The following PSD3 variants were observed in gnomAD, a reference collection of about 807,000 sequenced individuals.
The protein encoded by PSD3 is PH and SEC7 domain-containing protein 3.
PSD3 carries 49 observed loss-of-function variants against 105.5 expected under a neutral mutation model. The ratio of observed to expected loss-of-function variants is 0.46; its 90% CI spans 0.37 to 0.59. The LOEUF (loss-of-function observed/expected upper bound fraction) is 0.59. Among genes scored for constraint, PSD3 ranks in the 20% least tolerant of loss-of-function variants. The pLI, the probability that PSD3 is intolerant of heterozygous loss-of-function variation, is 0.00. For missense variants in PSD3, 1,561 were observed against 1,263.8 expected, an observed-to-expected ratio of 1.24 and a Z score of -3.57; for synonymous variants, 557 against 457.8, an observed-to-expected ratio of 1.22 and a Z score of -2.77.
intron 11 of PSD3, among the ~76,000 whole-genome samples, chr8:18,607,292 T>C (rs1207850923): frequency 6.6e-6 from 1 of 152,298 alleles, no homozygotes; most frequent in Non-Finnish European, 1.5e-5. Context: ...AGAATAGTTA[T>C]CTAATATTAC....
chr8:18,775,287 T>C (rs779627130), intron 8 of PSD3, among the ~76,000 whole-genome samples: 1 of 152,226 alleles, frequency 6.6e-6, no homozygotes, highest in Non-Finnish European at 1.5e-5. Context: ...GTGAATTCCA[T>C]ATCTTGGCTA....
chr8:19,019,488 G>A (rs969776592), intron 1 of PSD3, among the ~76,000 whole-genome samples: 2 of 152,096 alleles, frequency 1.3e-5, no homozygotes, highest in African/African-American at 2.4e-5. Context: ...GCCTACAACT[G>A]CTTAAGTGCA....
At chr8:18,725,388 T>C (rs952476002) in intron 9 of PSD3, among the ~76,000 whole-genome samples, 1 of 152,182 alleles carries the variant, frequency 6.6e-6, no homozygotes, top group Non-Finnish European at 1.5e-5. Flanking sequence ...ATTTCCTTGG[T>C]TGGGGTCAGA....
intron 4 of PSD3, among the ~76,000 whole-genome samples, chr8:18,845,955 A>G (rs1373962567): frequency 6.6e-6 from 1 of 152,210 alleles, no homozygotes; most frequent in Non-Finnish European, 1.5e-5. Context: ...ATCTCCACTC[A>G]ATACTGTTCG....
intron 9 of PSD3, among the ~76,000 whole-genome samples, chr8:18,692,417 G>T (rs1801021435): frequency 6.6e-6 from 1 of 152,188 alleles, no homozygotes; most frequent in Middle Eastern, 3.2e-3. Flanking sequence ...GTCTGGGAAT[G>T]CTTCCCTGAG....
chr8:18,941,269 C>A (rs989854391), intron 1 of PSD3, among the ~76,000 whole-genome samples: 1 of 152,162 alleles, frequency 6.6e-6, no homozygotes, highest in Non-Finnish European at 1.5e-5. Context: ...AATCTCGGCT[C>A]GATAGTACCA....
At chr8:18,720,125 T>C (rs1224586491) in intron 9 of PSD3, among the ~76,000 whole-genome samples, 1 of 152,112 alleles carries the variant, frequency 6.6e-6, no homozygotes, top group East Asian at 1.9e-4. Flanking sequence ...GAAACTCATA[T>C]ATGTAGAGAA....
At chr8:18,615,619 A>G (rs576017639) in intron 11 of PSD3, among the ~76,000 whole-genome samples, 3 of 152,358 alleles carry the variant, frequency 2.0e-5, no homozygotes, top group African/African-American at 7.2e-5. Context: ...CAAGAAAATC[A>G]AGCATACTAT....
chr8:19,042,845 G>C (rs1467871952), intron 1 of PSD3, among the ~76,000 whole-genome samples: 1 of 152,118 alleles, frequency 6.6e-6, no homozygotes, highest in African/African-American at 2.4e-5. Context: ...TTCCTAAAAA[G>C]AAAGCACAAC....
At chr8:18,613,877 T>G (rs1805459028) in intron 11 of PSD3, among the ~76,000 whole-genome samples, 1 of 152,184 alleles carries the variant, frequency 6.6e-6, no homozygotes, top group African/African-American at 2.4e-5. Flanking sequence ...CTGCAACTCC[T>G]AAACAGCAAC....
chr8:18,641,308 C>A (rs1156713717), intron 10 of PSD3, among the ~76,000 whole-genome samples: 5 of 152,090 alleles, frequency 3.3e-5, no homozygotes, highest in Admixed American at 6.5e-5. Flanking sequence ...GGCATCAGGG[C>A]CAGCTGAGTA....
intron 4 of PSD3, among the ~76,000 whole-genome samples, chr8:18,823,956 G>C (rs534554706): frequency 6.6e-6 from 1 of 152,098 alleles, no homozygotes; most frequent in Non-Finnish European, 1.5e-5. Flanking sequence ...GAGGCGGGAG[G>C]ATTGCTCAAG....
intron 9 of PSD3, among the ~76,000 whole-genome samples, chr8:18,678,671 C>T (rs901837951): frequency 9.9e-4 from 133 of 134,842 alleles, no homozygotes; most frequent in Middle Eastern, 3.7e-3. Context: ...ATTAGCCGGA[C>T]GTGGTGGCGC....
chr8:18,893,815 T>C (rs1221736828), intron 2 of PSD3, among the ~76,000 whole-genome samples: 1 of 152,202 alleles, frequency 6.6e-6, no homozygotes, highest in East Asian at 1.9e-4. Flanking sequence ...GGCAACATGC[T>C]CTCCCAGCTG....
chr8:18,710,479 G>C (rs1373083471), intron 9 of PSD3, among the ~76,000 whole-genome samples: 1 of 152,100 alleles, frequency 6.6e-6, no homozygotes, highest in Non-Finnish European at 1.5e-5. Context: ...TATTCACATT[G>C]AGGAAACCCA....
intron 4 of PSD3, among the ~76,000 whole-genome samples, chr8:18,836,625 C>T (rs1048160314): frequency 9.2e-5 from 14 of 152,168 alleles, no homozygotes; most frequent in African/African-American, 3.1e-4. Flanking sequence ...CTGGATACCA[C>T]AATTTATGGA....
At chr8:18,641,875 G>A (rs1807670341) in intron 10 of PSD3, among the ~76,000 whole-genome samples, 2 of 141,404 alleles carry the variant, frequency 1.4e-5, no homozygotes, top group South Asian at 2.6e-4. Context: ...GAGGCAGGAT[G>A]AGTCTAAAAT....
chr8:18,704,377 G>A (rs540095567), intron 9 of PSD3, among the ~76,000 whole-genome samples: 2 of 152,206 alleles, frequency 1.3e-5, no homozygotes, highest in Non-Finnish European at 1.5e-5. Context: ...AGTCTCTGTC[G>A]CACAGGCTGG....
rs577868396 is a variant in PSD3 at position 19,061,091 on chromosome 8, G to A, written c.324+23115C>T. Among the ~76,000 whole-genome samples, 10 of 152,216 alleles carry A rather than the reference G, an allele frequency of 6.6e-5. No individual in the cohort carries two copies. The East Asian group carries it at 1.5e-3, about 24-fold the overall frequency. ...AGCCAGGTGCCAGCCTCCACCAGCA[G>A]CATCTGCTTGTGCCTCATTTATCCT... On this transcript the variant is annotated intron_variant, in intron 1 of 1. Transcript: ENST00000521475.
Sources: gnomAD v4.1 joint callset for allele counts (sites outside exome capture counted in the v4.1 genomes callset) on GRCh38, gnomAD v4.1.1 for gene constraint, MANE v1.5 for transcripts, NCBI Gene and HGNC (gene_info 2026-07-23, HGNC 2026-07-21) for gene names.